The following MYCT1 variants were observed in gnomAD, a reference collection of about 807,000 sequenced individuals.
The protein encoded by MYCT1 is myc target protein 1.
MYCT1 carries 12 observed loss-of-function variants against 15.0 expected under a neutral mutation model. That is an observed-to-expected ratio of 0.80 (90% CI 0.51 to 1.29). The LOEUF (loss-of-function observed/expected upper bound fraction) is 1.29, where lower values mean the gene tolerates loss of function less well. Ranked by LOEUF, MYCT1 falls within the 50% of genes most tolerant of loss-of-function variation. The pLI is 0.00. For synonymous variants in MYCT1, 104 were observed against 102.7 expected (o/e 1.01, Z -0.07); for missense variants, 287 against 279.1 (o/e 1.03, Z -0.20).
At chr6:152,712,815 A>T (rs1355487035) in intron 1 of MYCT1, among the ~76,000 whole-genome samples, 1 of 152,012 alleles carries the variant, frequency 6.6e-6, no homozygotes, top group Non-Finnish European at 1.5e-5. Flanking sequence ...TGTTATTATT[A>T]TTTGTAATTT....
chr6:152,745,163 A>G, the MYCT1 span, among the ~76,000 whole-genome samples: 62,591 of 152,008 alleles, frequency 0.41, 12,908 homozygotes, highest in East Asian at 0.54. Context: ...TGGTTTTAAC[A>G]CTAAGTAGGA....
chr6:152,745,683 T>C, the MYCT1 span, among the ~76,000 whole-genome samples: 7 of 152,204 alleles, frequency 4.6e-5, no homozygotes, highest in Non-Finnish European at 1.0e-4. Flanking sequence ...GGTCTAGGGC[T>C]GGCTGTCATC....
intron 1 of MYCT1, among the ~76,000 whole-genome samples, chr6:152,707,241 T>C (rs1029979255): frequency 1.3e-5 from 2 of 152,132 alleles, no homozygotes; most frequent in African/African-American, 4.8e-5. Context: ...TGATTTGCGT[T>C]TCCCTGATGA....
At chr6:152,727,832 C>T (rs564842165), downstream of MYCT1, among the ~76,000 whole-genome samples, 172 of 152,232 alleles carry the variant, frequency 1.1e-3, no homozygotes, top group Non-Finnish European at 1.4e-3. Flanking sequence ...GTGCCAGGGA[C>T]TCAGGGACTT....
chr6:152,729,657 G>A, the MYCT1 span, among the ~76,000 whole-genome samples: 1 of 152,132 alleles, frequency 6.6e-6, no homozygotes, highest in African/African-American at 2.4e-5. Flanking sequence ...ACAAATTAAG[G>A]AAGAAACTGC....
At chr6:152,730,632 G>T in the MYCT1 span, among the ~76,000 whole-genome samples, 1 of 152,080 alleles carries the variant, frequency 6.6e-6, no homozygotes, top group South Asian at 2.1e-4. Flanking sequence ...ACTTGCATTT[G>T]GTTACATTGG....
chr6:152,737,622 G>C, the MYCT1 span, among the ~76,000 whole-genome samples: 12,268 of 152,062 alleles, frequency 0.081, 817 homozygotes, highest in African/African-American at 0.17. Context: ...AGGGATCTAG[G>C]TGGGGAACAA....
Position 152,722,720 on chromosome 6 carries a change from A to T in MYCT1, c.*467A>T, listed in dbSNP as rs774370043. On this transcript the variant is annotated 3_prime_UTR_variant, in exon 2 of 2. Coordinates refer to ENST00000367245, the MANE Select transcript of MYCT1 (RefSeq NM_025107.3). ...AGAATGACAAGTGAATCATATTGAC[A>T]TTTTACAATCTTAGATTTTTCTTTT... 1.9e-5 allele frequency: 7 copies of T among 378,250 alleles called. 1 individual carries two copies. Among genetic ancestry groups the T allele is most frequent in the South Asian group, 1.4e-4 (7 of 49,126 alleles). The allele number at this position is 378,250 out of a possible 1,614,324, so 23.4% of individuals were successfully genotyped here. A position where few individuals can be genotyped will look rare whatever the true frequency, so the allele number is the denominator to read the frequency against.
chr6:152,722,215 G>C lies in MYCT1; in HGVS notation c.670G>C (p.Ala224Pro). Residue 224 changes from alanine (A) to proline (P), a missense_variant, in exon 2 of 2, where the codon GCC becomes CCC. Transcript: ENST00000367245. ...GGGCCTTTCAACACCGCCCCCACCT[G>C]CCTATGAGTCCATCATCAAGGCATT... ...RVGLSTPPPP[A>P]YESIIKAFPD... 1 of 1,613,964 alleles carries C rather than the reference G, an allele frequency of 6.2e-7. No individual in the cohort carries two copies. The highest frequency in any genetic ancestry group is 1.3e-5 in the African/African-American group (1 of 75,010).
the MYCT1 span, among the ~76,000 whole-genome samples, chr6:152,735,514 A>G: frequency 2.6e-5 from 4 of 152,140 alleles, no homozygotes; most frequent in Non-Finnish European, 5.9e-5. Context: ...TATATTAAAC[A>G]TTTAGCTATA....
rs2099724953 is a variant in MYCT1 at position 152,722,845 on chromosome 6, C to T, written c.*592C>T. ...CCTCTATCTCCCAGGCTCAAGTAAT[C>T]CTCCCATCTTAGTGCCCCAAGTAGC... On this transcript the variant is annotated 3_prime_UTR_variant, in exon 2 of 2. Coordinates refer to ENST00000367245, the MANE Select transcript of MYCT1 (RefSeq NM_025107.3). The T allele has an allele frequency of 3.4e-6, 1 of 291,372 alleles. No homozygotes were observed. Among genetic ancestry groups the T allele is most frequent in the Admixed American group, 4.5e-5 (1 of 22,090 alleles). The allele number at this position is 291,372 out of a possible 1,614,324, so 18.0% of individuals were successfully genotyped here. A position where few individuals can be genotyped will look rare whatever the true frequency, so the allele number is the denominator to read the frequency against.
Position 152,722,431 on chromosome 6 carries a change from T to A in MYCT1, c.*178T>A. Reference sequence around the variant, plus strand: ...AAACACATTTTCTTCAAACACGTTTTCCCTTTTGTTTCAAAAAATGTAATA... The same window carrying A: ...AAACACATTTTCTTCAAACACGTTTACCCTTTTGTTTCAAAAAATGTAATA... On this transcript the variant is annotated 3_prime_UTR_variant, in exon 2 of 2. Transcript: ENST00000367245. 3 of 596,856 alleles carry A rather than the reference T, an allele frequency of 5.0e-6. No individual in the cohort carries two copies. Among genetic ancestry groups the A allele is most frequent in the African/African-American group, 3.7e-5 (2 of 53,342 alleles). 37.0% of individuals were successfully genotyped at this position (596,856 alleles called of 1,614,324 possible). A position where few individuals can be genotyped will look rare whatever the true frequency, so the allele number is the denominator to read the frequency against.
Position 152,722,046 on chromosome 6 carries a change from C to T in MYCT1, c.501C>T (p.Phe167=). The change falls in exon 2 of 2, where the codon TTC becomes TTT. Residue 167 remains phenylalanine, a synonymous_variant. Transcript: ENST00000367245. Reference sequence around the variant, plus strand: ...AATCAAGTTTCAGAGCTTCTACTTTCCATCCCTTTCTGCAATGTCCACCAC... The same window carrying T: ...AATCAAGTTTCAGAGCTTCTACTTTTCATCCCTTTCTGCAATGTCCACCAC... The part of the protein sequence containing the change: ...PRKSSFRAST[F]HPFLQCPPLP... 6.2e-7 allele frequency: 1 copy of T among 1,614,136 alleles called. No individual in the cohort carries two copies. Among genetic ancestry groups the T allele is most frequent in the Non-Finnish European group, 8.5e-7 (1 of 1,180,026 alleles).
At chr6:152,736,884 T>C in the MYCT1 span, among the ~76,000 whole-genome samples, 1 of 152,108 alleles carries the variant, frequency 6.6e-6, no homozygotes, top group African/African-American at 2.4e-5. Context: ...TGCTAATTGG[T>C]AGAGAACCCT....
At chr6:152,715,988 T>C (rs2099723591) in intron 1 of MYCT1, among the ~76,000 whole-genome samples, 3 of 152,178 alleles carry the variant, frequency 2.0e-5, no homozygotes, top group Admixed American at 6.5e-5. Flanking sequence ...AGAAGATTGA[T>C]ATGATTTGAC....
intron 1 of MYCT1, among the ~76,000 whole-genome samples, chr6:152,720,819 T>C (rs1583976381): frequency 6.6e-6 from 1 of 151,422 alleles, no homozygotes; most frequent in Non-Finnish European, 1.5e-5. Context: ...GCTGGAGGAG[T>C]CTTCTAATAC....
chr6:152,702,821 T>G (rs560324075), intron 1 of MYCT1, among the ~76,000 whole-genome samples: 1 of 152,340 alleles, frequency 6.6e-6, no homozygotes, highest in African/African-American at 2.4e-5. Flanking sequence ...CTATCTCAGT[T>G]ACCTAGAAAG....
In MYCT1 at chr6:152,704,328, G is replaced by A. The variant is rs187796858; in HGVS notation, c.196+6230G>A. Among the ~76,000 whole-genome samples, 118 of 152,190 alleles carry A rather than the reference G, an allele frequency of 7.8e-4. 1 individual carries two copies. The highest frequency in any genetic ancestry group is 1.1e-3 in the Non-Finnish European group (72 of 68,004). ...AGACTTTCTCTATTCAAGTCCTTTG[G>A]CACCTTTGTTGAAAATCAAATGGTC... is the stretch of plus-strand genomic sequence containing the variant. On this transcript the variant is annotated intron_variant, in intron 1 of 1. Coordinates refer to ENST00000367245, the MANE Select transcript of MYCT1 (RefSeq NM_025107.3).
chr6:152,726,124 C>T (rs1026899817), downstream of MYCT1, among the ~76,000 whole-genome samples: 9 of 152,148 alleles, frequency 5.9e-5, no homozygotes, highest in Admixed American at 1.3e-4. Flanking sequence ...TGGCCGGGCG[C>T]GGTGGCTCAC....
Sources: allele counts gnomAD v4.1 joint callset (sites outside exome capture counted in the v4.1 genomes callset), GRCh38; gene constraint gnomAD v4.1.1; transcripts MANE v1.5; gene names NCBI Gene and HGNC (gene_info 2026-07-23, HGNC 2026-07-21).